The following EIF4E3 variants were observed in gnomAD, a reference collection of about 807,000 sequenced individuals.
The protein encoded by EIF4E3 is eukaryotic translation initiation factor 4E family member 3, also known as eukaryotic translation initiation factor 4E type 3.
Under a neutral mutation model 31.7 loss-of-function variants are expected in EIF4E3, and 26 were observed. That is an observed-to-expected ratio of 0.82 (90% confidence interval 0.60 to 1.14). The LOEUF (loss-of-function observed/expected upper bound fraction) is 1.14, where lower values mean the gene tolerates loss of function less well. Among genes scored for constraint, EIF4E3 ranks in the 50% most tolerant of loss-of-function variants. EIF4E3 has a pLI of 0.00. For missense variants in EIF4E3, 304 were observed against 270.9 expected (o/e 1.12, Z -0.86); for synonymous variants, 128 against 107.7 (o/e 1.19, Z -1.17).
chr3:71,670,493 CTA>C (rs998184398), downstream of EIF4E3, among the ~76,000 whole-genome samples: 36 of 152,258 alleles, frequency 2.4e-4, no homozygotes, highest in African/African-American at 8.4e-4. Context: ...CTTTAGATAT[CTA>C]TAAGCACTGT....
intron 1 of EIF4E3, among the ~76,000 whole-genome samples, chr3:71,724,594 C>G (rs1027924339): frequency 2.0e-5 from 3 of 152,198 alleles, no homozygotes; most frequent in African/African-American, 7.2e-5. Flanking sequence ...GAATCTCCAG[C>G]GCATAGCAGG....
chr3:71,724,389 A>G (rs1310589455), intron 1 of EIF4E3, among the ~76,000 whole-genome samples: 1 of 152,242 alleles, frequency 6.6e-6, no homozygotes. Context: ...ACAAATTCAT[A>G]TATAATAAAA....
intron 5 of EIF4E3, among the ~76,000 whole-genome samples, chr3:71,691,007 G>T (rs1200762745): frequency 6.6e-6 from 1 of 152,166 alleles, no homozygotes; most frequent in Non-Finnish European, 1.5e-5. Flanking sequence ...TGGATAGTAA[G>T]GTGTTATACT....
chr3:71,717,192 G>A (rs561787625), intron 1 of EIF4E3, among the ~76,000 whole-genome samples: 2 of 152,352 alleles, frequency 1.3e-5, no homozygotes, highest in East Asian at 1.9e-4. Context: ...CCGGGAGCTT[G>A]TTGGAGCGGC....
intron 1 of EIF4E3, among the ~76,000 whole-genome samples, chr3:71,752,663 T>C (rs1048311799): frequency 1.3e-5 from 2 of 152,228 alleles, no homozygotes; most frequent in Non-Finnish European, 2.9e-5. Context: ...ATCCCTTGCC[T>C]TCAAAGAGCT....
chr3:71,708,341 A>G (rs1400985416), intron 2 of EIF4E3, among the ~76,000 whole-genome samples: 1 of 152,188 alleles, frequency 6.6e-6, no homozygotes, highest in Non-Finnish European at 1.5e-5. Context: ...AGGGGCACGA[A>G]GACACTTTCT....
chr3:71,666,664 C>T, the EIF4E3 span, among the ~76,000 whole-genome samples: 2 of 152,260 alleles, frequency 1.3e-5, no homozygotes, highest in African/African-American at 2.4e-5. Flanking sequence ...CAGCCCAGCA[C>T]GGTGGCTCCT....
chr3:71,732,945 T>C (rs1440456522), intron 1 of EIF4E3, among the ~76,000 whole-genome samples: 1 of 152,202 alleles, frequency 6.6e-6, no homozygotes, highest in Non-Finnish European at 1.5e-5. Context: ...ATCAGGAACA[T>C]TTGGTGAGGC....
intron 1 of EIF4E3, among the ~76,000 whole-genome samples, chr3:71,720,407 C>T (rs1045603850): frequency 2.6e-5 from 4 of 151,940 alleles, no homozygotes; most frequent in African/African-American, 2.4e-5. Context: ...GTTGCCTAGG[C>T]TGGTCTCAAA....
chr3:71,696,082 G>A (rs921631683), intron 4 of EIF4E3, among the ~76,000 whole-genome samples: 1 of 152,176 alleles, frequency 6.6e-6, no homozygotes, highest in African/African-American at 2.4e-5. Flanking sequence ...CCCTGTAGAG[G>A]AGGGAAGAGC....
Position 71,679,111 on chromosome 3 carries a change from A to G in EIF4E3, c.*5571T>C, listed in dbSNP as rs985148260. 4 of 152,184 alleles carry G rather than the reference A, an allele frequency of 2.6e-5. No individual in the cohort carries two copies. The highest frequency in any genetic ancestry group is 9.6e-5 in the African/African-American group (4 of 41,458). The allele number at this position is 152,184 out of a possible 1,614,324, so 9.4% of individuals were successfully genotyped here. A position where few individuals can be genotyped will look rare whatever the true frequency, so the allele number is the denominator to read the frequency against. On this transcript the variant is annotated 3_prime_UTR_variant, in exon 7 of 7. Coordinates refer to ENST00000425534, the MANE Select transcript of EIF4E3 (RefSeq NM_001134651.2). ...TCAATACCTCTATTTGAAAACAGAA[A>G]CACTGTAAGTTTATTAAAATGTTCA...
chr3:71,707,965 A>G (rs1263626957), intron 2 of EIF4E3, among the ~76,000 whole-genome samples: 2 of 150,528 alleles, frequency 1.3e-5, no homozygotes, highest in Non-Finnish European at 2.9e-5. Flanking sequence ...AGCTCACTGC[A>G]ACCTCCACTT....
chr3:71,696,883 A>T (rs1252191830), intron 3 of EIF4E3, among the ~76,000 whole-genome samples: 1 of 149,050 alleles, frequency 6.7e-6, no homozygotes. Context: ...GTCCAGCTAA[A>T]TTTTTTTTGT....
At chr3:71,744,653 A>C (rs913031146) in intron 1 of EIF4E3, among the ~76,000 whole-genome samples, 4 of 152,190 alleles carry the variant, frequency 2.6e-5, no homozygotes, top group Admixed American at 2.0e-4. Context: ...GCTGAGGCAG[A>C]AGAATCACTT....
intron 1 of EIF4E3, among the ~76,000 whole-genome samples, chr3:71,714,926 C>T (rs2108091991): frequency 6.6e-6 from 1 of 152,334 alleles, no homozygotes; most frequent in Non-Finnish European, 1.5e-5. Context: ...AAGAAGGAAA[C>T]ATTTTTACTG....
intron 1 of EIF4E3, among the ~76,000 whole-genome samples, chr3:71,742,737 T>C (rs2049832831): frequency 6.6e-6 from 1 of 152,098 alleles, no homozygotes; most frequent in Non-Finnish European, 1.5e-5. Flanking sequence ...CAAAACAAAA[T>C]TTTAGCAAGT....
chr3:71,719,011 A>G (rs1257744749), intron 1 of EIF4E3, among the ~76,000 whole-genome samples: 1 of 152,214 alleles, frequency 6.6e-6, no homozygotes, highest in African/African-American at 2.4e-5. Context: ...TCAATGAACA[A>G]GGATGACTTT....
At chr3:71,673,478 T>C (rs1297982647), downstream of EIF4E3, among the ~76,000 whole-genome samples, 1 of 152,140 alleles carries the variant, frequency 6.6e-6, no homozygotes, top group African/African-American at 2.4e-5. Flanking sequence ...ATTATTATTA[T>C]TGGAGAATTT....
Position 71,694,810 on chromosome 3 carries a change from C to T in EIF4E3, c.406-869G>A, listed in dbSNP as rs2049112364. On this transcript the variant is annotated intron_variant, in intron 4 of 6. Coordinates refer to ENST00000425534, the MANE Select transcript of EIF4E3 (RefSeq NM_001134651.2). ...ACAAGGAAATAATAATAGGTCCGAC[C>T]TTCCAGGGCTGTTGTGGGTATGAAA... 2.0e-5 allele frequency among the ~76,000 whole-genome samples: 3 copies of T among 152,138 alleles called. No individual in the cohort carries two copies. The South Asian group carries it at 6.2e-4, about 32-fold the overall frequency.
Sources: allele counts gnomAD v4.1 joint callset (sites outside exome capture counted in the v4.1 genomes callset), GRCh38; gene constraint gnomAD v4.1.1; transcripts MANE v1.5; gene names NCBI Gene and HGNC (gene_info 2026-07-23, HGNC 2026-07-21).